The following SLC6A14 variants were observed in gnomAD, a reference collection of about 807,000 sequenced individuals.
SLC6A14 encodes the protein solute carrier family 6 member 14, also known as sodium- and chloride-dependent neutral and basic amino acid transporter B(0+).
SLC6A14 carries 21 observed loss-of-function variants against 51.4 expected under a neutral mutation model. The ratio of observed to expected loss-of-function variants is 0.41; its 90% CI spans 0.29 to 0.59. The LOEUF (loss-of-function observed/expected upper bound fraction) is 0.59, where lower values mean the gene tolerates loss of function less well. Ranked by LOEUF, SLC6A14 falls within the 20% of genes least tolerant of loss-of-function variation. The pLI is 0.31. For missense variants in SLC6A14, 371 were observed against 472.8 expected (o/e 0.78, Z 2.00); for synonymous variants, 177 against 160.7 (o/e 1.10, Z -0.77).
chrX:116,452,074 G>C (rs2147389848), intron 8 of SLC6A14, among the ~76,000 whole-genome samples: 1 of 111,953 alleles, frequency 8.9e-6, no homozygotes, highest in African/African-American at 3.2e-5. Context: ...AGCTTTAAAG[G>C]AATCTTAGTG....
intron 2 of SLC6A14, among the ~76,000 whole-genome samples, chrX:116,439,068 G>A (rs1446507641): frequency 9.0e-6 from 1 of 110,747 alleles, no homozygotes; most frequent in African/African-American, 3.3e-5. Flanking sequence ...GGTCCAGTGT[G>A]GTAAAGAGAA....
chrX:116,455,175 C>G, intron 11 of SLC6A14, 99 bp downstream of exon 11: 1 of 629,735 alleles, frequency 1.6e-6, no homozygotes. Flanking sequence ...AATTTTTATA[C>G]TATTATAATA....
intron 6 of SLC6A14, among the ~76,000 whole-genome samples, chrX:116,445,505 A>AGAGAGAGAGAGAGAG (rs1556693962): frequency 1.2e-5 from 1 of 86,106 alleles, no homozygotes; most frequent in African/African-American, 4.4e-5. Flanking sequence ...AGAGAGAGAG[A>AGAGAGAGAGAGAGAG]AATGTGTGTG....
intron 7 of SLC6A14, among the ~76,000 whole-genome samples, chrX:116,447,903 CT>C (rs1336518389): frequency 1.8e-5 from 2 of 111,644 alleles, no homozygotes; most frequent in Non-Finnish European, 3.8e-5. Flanking sequence ...GGCCCTTTCA[CT>C]TTTTTACTAG....
At position 116,444,927 on chromosome X, in the gene SLC6A14, G is replaced by A. The variant is rs782769027; in HGVS notation, c.666G>A (p.Ala222=). Residue 222 remains alanine (A), a synonymous_variant, in exon 6 of 14, where the codon GCG becomes GCA. Coordinates refer to ENST00000598581, the MANE Select transcript of SLC6A14 (RefSeq NM_007231.5). The stretch of plus-strand genomic sequence containing the variant: ...GGCTTATGTGTTTCAGTAAAGTGGC[G>A]CTCCAACGGTCAAGTGGAATGAATG... ...LPSEQYWNKV[A]LQRSSGMNET... 7.5e-6 allele frequency: 9 copies of A among 1,207,674 alleles called. No individual in the cohort carries two copies. The highest frequency in any genetic ancestry group is 7.0e-5 in the African/African-American group (4 of 57,097).
chrX:116,451,677 A>C lies in SLC6A14; in HGVS notation c.1159+7A>C. The stretch of plus-strand genomic sequence containing the variant: ...TCTCAAGTTGTAAAATCAGGTATAT[A>C]ATACTATATATTATCAACTTTGATT... On this transcript the variant is annotated splice_region_variant and intron_variant, in intron 8 of 13. Coordinates refer to ENST00000598581, the MANE Select transcript of SLC6A14 (RefSeq NM_007231.5). 1 of 1,010,452 alleles carries C rather than the reference A, an allele frequency of 9.9e-7. No homozygotes were observed. Among genetic ancestry groups the C allele is most frequent in the Non-Finnish European group, 1.4e-6 (1 of 724,130 alleles). 83.3% of individuals were successfully genotyped at this position (1,010,452 alleles called of 1,213,427 possible).
chrX:116,459,191 C>T lies in SLC6A14; in HGVS notation c.*236C>T, dbSNP rs1446146774. On this transcript the variant is annotated 3_prime_UTR_variant, in exon 14 of 14. Transcript: ENST00000598581. ...TATCTGTATAACACACACACACACA[C>T]CTAAGAGTCTCTATTTCACAATTAT... 2 of 253,439 alleles carry T rather than the reference C, an allele frequency of 7.9e-6. No homozygotes were observed. The highest frequency in any genetic ancestry group is 1.3e-4 in the Admixed American group (2 of 14,914). The allele number at this position is 253,439 out of a possible 1,213,427, so 20.9% of individuals were successfully genotyped here. A position where few individuals can be genotyped will look rare whatever the true frequency, so the allele number is the denominator to read the frequency against.
intron 7 of SLC6A14, among the ~76,000 whole-genome samples, chrX:116,450,355 G>GA (rs1251938639): frequency 9.9e-5 from 11 of 111,543 alleles, no homozygotes; most frequent in Non-Finnish European, 1.9e-4. Flanking sequence ...GAATTTCACA[G>GA]AAAAAAACAA....
chrX:116,450,044 A>G (rs1478167717), intron 7 of SLC6A14, among the ~76,000 whole-genome samples: 2 of 111,768 alleles, frequency 1.8e-5, no homozygotes, highest in East Asian at 5.6e-4. Flanking sequence ...GAATTCCTTT[A>G]GAAGAAAATA....
chrX:116,443,701 T>C lies in SLC6A14; in HGVS notation c.567T>C (p.Asn189=). ...GAATACAAGAGATCATCCAAATGAATAAAAGCTGGGTAGACATCAACAATT... is the reference window on the plus strand; with the variant it reads ...GAATACAAGAGATCATCCAAATGAACAAAAGCTGGGTAGACATCAACAATT... ...NKGIQEIIQM[N]KSWVDINNFT... Residue 189 remains asparagine, a synonymous_variant, in exon 5 of 14, where the codon AAT becomes AAC. Transcript: ENST00000598581. 1 of 1,201,942 alleles carries C rather than the reference T, an allele frequency of 8.3e-7. No individual in the cohort carries two copies. The highest frequency in any genetic ancestry group is 1.7e-5 in the African/African-American group (1 of 57,546).
intron 6 of SLC6A14, among the ~76,000 whole-genome samples, chrX:116,445,629 G>C (rs1373958841): frequency 9.0e-6 from 1 of 110,708 alleles, no homozygotes; most frequent in East Asian, 2.8e-4. Context: ...CAGTGAAAGG[G>C]CCTCTTCTGA....
intron 1 of SLC6A14, 83 bp downstream of exon 1, chrX:116,436,840 T>G (rs1220670690): frequency 2.4e-6 from 2 of 848,225 alleles, no homozygotes; most frequent in Non-Finnish European, 3.4e-6. Context: ...GTTTTTGCTT[T>G]CTGTGGCTGT....
chrX:116,437,446 C>T (rs1556693358), intron 1 of SLC6A14, among the ~76,000 whole-genome samples: 1 of 111,625 alleles, frequency 9.0e-6, no homozygotes, highest in Non-Finnish European at 1.9e-5. Context: ...TTCCCTCACA[C>T]CAGTGTGACA....
intron 12 of SLC6A14, among the ~76,000 whole-genome samples, chrX:116,456,523 G>A (rs1410043853): frequency 9.0e-6 from 1 of 110,796 alleles, no homozygotes; most frequent in Admixed American, 9.6e-5. Flanking sequence ...GGTCTAGCTG[G>A]ATCACTTAAC....
At chrX:116,442,915 A>G in intron 4 of SLC6A14, 67 bp downstream of exon 4, 1 of 789,016 alleles carries the variant, frequency 1.3e-6, no homozygotes. Flanking sequence ...GGGTCAAATC[A>G]TTCTCTAAGC....
intron 12 of SLC6A14, 111 bp from the exon 13 acceptor site, chrX:116,457,498 C>T: frequency 1.7e-6 from 1 of 575,024 alleles, no homozygotes; most frequent in Non-Finnish European, 2.6e-6. Context: ...AATATATTTT[C>T]ATATTAACTA....
rs1273175917 is a variant in SLC6A14 at position 116,459,173 on chromosome X, A to G, written c.*218A>G. On this transcript the variant is annotated 3_prime_UTR_variant, in exon 14 of 14. Coordinates refer to ENST00000598581, the MANE Select transcript of SLC6A14 (RefSeq NM_007231.5). ...ATTTCTTTTTAGATTGTCTATCTGT[A>G]TAACACACACACACACACCTAAGAG... The G allele has an allele frequency of 6.8e-6, 2 of 292,670 alleles. No individual in the cohort carries two copies. The highest frequency in any genetic ancestry group is 5.9e-6 in the Non-Finnish European group (1 of 168,858). The allele number at this position is 292,670 out of a possible 1,213,427, so 24.1% of individuals were successfully genotyped here.
chrX:116,453,432 T>C (rs1556694548), intron 9 of SLC6A14, among the ~76,000 whole-genome samples: 1 of 106,741 alleles, frequency 9.4e-6, no homozygotes, highest in Non-Finnish European at 2.0e-5. Flanking sequence ...CATTTTTTTC[T>C]AGAAGCAACT....
Position 116,458,956 on chromosome X carries a change from G to A in SLC6A14, c.*1G>A, listed in dbSNP as rs1927987827. On this transcript the variant is annotated 3_prime_UTR_variant, in exon 14 of 14. Coordinates refer to ENST00000598581, the MANE Select transcript of SLC6A14 (RefSeq NM_007231.5). ...TAGTGGCAGCAGAAAACCGGAATGA[G>A]ATCTCATTGAAAAAAATATATGATT... The A allele has an allele frequency of 5.9e-6, 7 of 1,183,555 alleles. No homozygotes were observed. Among genetic ancestry groups the A allele is most frequent in the African/African-American group, 1.8e-5 (1 of 55,656 alleles).
Sources: allele counts gnomAD v4.1 joint callset (sites outside exome capture counted in the v4.1 genomes callset), GRCh38; gene constraint gnomAD v4.1.1; transcripts MANE v1.5; gene names NCBI Gene and HGNC (gene_info 2026-07-23, HGNC 2026-07-21).